GRID2: variants seen among roughly 807,000 people sequenced by gnomAD.
GRID2 encodes the protein glutamate receptor ionotropic, delta-2.
GRID2 carries 33 observed loss-of-function variants against 114.8 expected under a neutral mutation model. That is an observed-to-expected ratio of 0.29 (90% CI 0.22 to 0.38). The LOEUF (loss-of-function observed/expected upper bound fraction) is 0.38, where lower values mean the gene tolerates loss of function less well. Among genes scored for constraint, GRID2 ranks in the 10% least tolerant of loss-of-function variants. GRID2 has a pLI of 1.00. For synonymous variants in GRID2, 505 were observed against 449.9 expected (o/e 1.12, Z -1.55); for missense variants, 1,184 against 1,257.7 (o/e 0.94, Z 0.89).
At chr4:92,785,095 A>G (rs1007884360) in intron 2 of GRID2, among the ~76,000 whole-genome samples, 6 of 148,302 alleles carry the variant, frequency 4.0e-5, no homozygotes, top group African/African-American at 1.5e-4. Flanking sequence ...TTTTTTAACA[A>G]CTGACATAAT....
intron 2 of GRID2, among the ~76,000 whole-genome samples, chr4:92,872,076 A>T (rs1010272647): frequency 3.9e-5 from 6 of 152,124 alleles, no homozygotes; most frequent in African/African-American, 1.4e-4. Flanking sequence ...TGCATTTGAG[A>T]AGAAAGTTTC....
intron 2 of GRID2, among the ~76,000 whole-genome samples, chr4:92,859,813 G>A (rs17019938): frequency 6.6e-6 from 1 of 152,094 alleles, no homozygotes; most frequent in African/African-American, 2.4e-5. Flanking sequence ...TGCCTACCTA[G>A]AGTAGAGTTT....
intron 2 of GRID2, among the ~76,000 whole-genome samples, chr4:92,944,092 A>G (rs1431444142): frequency 6.6e-6 from 1 of 152,300 alleles, no homozygotes; most frequent in South Asian, 2.1e-4. Flanking sequence ...GCTGGGAACC[A>G]CTACTCTCTT....
chr4:93,691,000 C>T (rs1726515372), intron 14 of GRID2, among the ~76,000 whole-genome samples: 1 of 149,368 alleles, frequency 6.7e-6, no homozygotes, highest in Non-Finnish European at 1.5e-5. Flanking sequence ...AAAAAGCATA[C>T]TTATAAAATA....
At chr4:92,768,656 A>T (rs1738385007) in intron 2 of GRID2, among the ~76,000 whole-genome samples, 1 of 152,210 alleles carries the variant, frequency 6.6e-6, no homozygotes, top group Non-Finnish European at 1.5e-5. Flanking sequence ...GAGGCCTCAC[A>T]ATCATGGCAG....
intron 2 of GRID2, among the ~76,000 whole-genome samples, chr4:92,861,638 G>T (rs970739718): frequency 6.6e-6 from 1 of 152,096 alleles, no homozygotes; most frequent in East Asian, 1.9e-4. Context: ...GACTGGTCTG[G>T]CTTGGTTACT....
chr4:93,013,848 G>C (rs1722421057), intron 2 of GRID2, among the ~76,000 whole-genome samples: 1 of 151,762 alleles, frequency 6.6e-6, no homozygotes, highest in Admixed American at 6.6e-5. Context: ...AACATTATTT[G>C]AGGGGCAATT....
Position 93,705,869 on chromosome 4 carries a change from T to C in GRID2, c.2361-63341T>C, listed in dbSNP as rs532916722. Reference sequence around the variant, plus strand: ...TTCGAATTTTGCATATGGTCAGAGATAGGGGTCTAGTTTCATTTTTCTGCA... The same window carrying C: ...TTCGAATTTTGCATATGGTCAGAGACAGGGGTCTAGTTTCATTTTTCTGCA... On this transcript the variant is annotated intron_variant, in intron 14 of 15. Transcript: ENST00000282020. Among the ~76,000 whole-genome samples, 125 of 152,278 alleles carry C rather than the reference T, an allele frequency of 8.2e-4. 2 individuals carry two copies. The South Asian group carries it at 0.026, about 31-fold the overall frequency.
At chr4:92,873,377 T>C (rs1321802670) in intron 2 of GRID2, among the ~76,000 whole-genome samples, 2 of 152,038 alleles carry the variant, frequency 1.3e-5, no homozygotes, top group Non-Finnish European at 2.9e-5. Context: ...CAGGATCCAG[T>C]CCCAGCATTT....
intron 8 of GRID2, among the ~76,000 whole-genome samples, chr4:93,286,610 C>A (rs1228180333): frequency 6.6e-6 from 1 of 151,896 alleles, no homozygotes; most frequent in Non-Finnish European, 1.5e-5. Context: ...ACTTAAGAAC[C>A]ATCTCAAAGA....
At chr4:93,493,459 TAC>T (rs1373269610) in intron 12 of GRID2, among the ~76,000 whole-genome samples, 5 of 151,866 alleles carry the variant, frequency 3.3e-5, no homozygotes, top group Non-Finnish European at 7.4e-5. Flanking sequence ...TGCTTAAGAT[TAC>T]ACACTCAATA....
intron 4 of GRID2, among the ~76,000 whole-genome samples, chr4:93,121,985 A>T (rs147826587): frequency 4.5e-4 from 68 of 152,246 alleles, no homozygotes; most frequent in African/African-American, 1.5e-3. Context: ...GATTTGTAGA[A>T]GCCCTTTGAA....
At chr4:92,913,699 T>C (rs1037692327) in intron 2 of GRID2, among the ~76,000 whole-genome samples, 6 of 152,004 alleles carry the variant, frequency 3.9e-5, no homozygotes, top group East Asian at 1.9e-4. Flanking sequence ...TAGATTTTTA[T>C]TGGATAATGA....
chr4:92,486,546 TTC>T (rs1491374927), intron 1 of GRID2, among the ~76,000 whole-genome samples: 4 of 76,704 alleles, frequency 5.2e-5, no homozygotes, highest in East Asian at 3.6e-4. Flanking sequence ...CTCTCTCTCT[TTC>T]ACACACACAC....
chr4:93,584,977 T>A (rs1303106492), intron 13 of GRID2, among the ~76,000 whole-genome samples: 2 of 152,020 alleles, frequency 1.3e-5, no homozygotes, highest in African/African-American at 4.8e-5. Flanking sequence ...TTCCTGGATG[T>A]TTTTCTGCTA....
chr4:92,371,764 T>C (rs1202545975), intron 1 of GRID2, among the ~76,000 whole-genome samples: 2 of 152,184 alleles, frequency 1.3e-5, no homozygotes, highest in Admixed American at 6.6e-5. Flanking sequence ...TCAAGCCTTA[T>C]TATTTAATAA....
intron 14 of GRID2, among the ~76,000 whole-genome samples, chr4:93,659,760 T>C (rs1723320458): frequency 6.6e-6 from 1 of 152,164 alleles, no homozygotes; most frequent in African/African-American, 2.4e-5. Context: ...TCAGTCTCTT[T>C]TAAATATTAA....
intron 2 of GRID2, among the ~76,000 whole-genome samples, chr4:92,943,588 C>T (rs1262899932): frequency 3.9e-5 from 6 of 152,188 alleles, no homozygotes; most frequent in African/African-American, 1.4e-4. Context: ...TCGTCAAAGT[C>T]ATTCTCCATC....
chr4:92,709,013 A>G (rs1735084497), intron 2 of GRID2, among the ~76,000 whole-genome samples: 1 of 152,146 alleles, frequency 6.6e-6, no homozygotes, highest in Non-Finnish European at 1.5e-5. Context: ...CAGGAAATAG[A>G]ACTCACAGGC....
Sources: gnomAD v4.1 joint callset for allele counts (sites outside exome capture counted in the v4.1 genomes callset) on GRCh38, gnomAD v4.1.1 for gene constraint, MANE v1.5 for transcripts, NCBI Gene and HGNC (gene_info 2026-07-23, HGNC 2026-07-21) for gene names.